The following PTPRN2 variants were observed in gnomAD, a reference collection of about 807,000 sequenced individuals.
PTPRN2 encodes protein tyrosine phosphatase receptor type N2, also known as receptor-type tyrosine-protein phosphatase N2.
A neutral mutation model predicts 118.8 loss-of-function variants in PTPRN2; 74 were observed. That is an observed-to-expected ratio of 0.62 (90% confidence interval 0.52 to 0.76). The LOEUF (loss-of-function observed/expected upper bound fraction) is 0.76, where lower values mean the gene tolerates loss of function less well. Among genes scored for constraint, PTPRN2 ranks in the 30% least tolerant of loss-of-function variants. The pLI, the probability that PTPRN2 is intolerant of heterozygous loss-of-function variation, is 0.00. For synonymous variants in PTPRN2, 641 were observed against 608.0 expected (o/e 1.05, Z -0.80); for missense variants, 1,481 against 1,394.4 (o/e 1.06, Z -0.99).
chr7:157,802,920 T>C (rs191615181), intron 12 of PTPRN2, among the ~76,000 whole-genome samples: 8 of 152,276 alleles, frequency 5.3e-5, no homozygotes, highest in Admixed American at 5.2e-4. Flanking sequence ...AGGTTATCAT[T>C]ATTATTTGCT....
At chr7:158,141,513 G>A (rs888190651) in intron 6 of PTPRN2, among the ~76,000 whole-genome samples, 3 of 152,260 alleles carry the variant, frequency 2.0e-5, no homozygotes, top group Non-Finnish European at 2.9e-5. Flanking sequence ...CACAAGTGCC[G>A]ATGGCCTGTG....
intron 1 of PTPRN2, among the ~76,000 whole-genome samples, chr7:158,530,950 G>A (rs1825181540): frequency 6.6e-6 from 1 of 152,160 alleles, no homozygotes; most frequent in Admixed American, 6.5e-5. Flanking sequence ...GTGTGTGTGT[G>A]TAAGCATGTG....
chr7:157,580,456 C>CCAGCACCTGCACACCG (rs1800289160), intron 17 of PTPRN2, among the ~76,000 whole-genome samples: 4 of 150,384 alleles, frequency 2.7e-5, no homozygotes, highest in Admixed American at 6.6e-5. Context: ...CCTGCACACC[C>CCAGCACCTGCACACCG]CAGCACCTGC....
chr7:158,268,304 G>A (rs1798021571), intron 3 of PTPRN2, among the ~76,000 whole-genome samples: 1 of 150,062 alleles, frequency 6.7e-6, no homozygotes, highest in African/African-American at 2.5e-5. Context: ...CACGGGGCGG[G>A]TGTGAAATAT....
intron 5 of PTPRN2, among the ~76,000 whole-genome samples, chr7:158,178,442 C>T (rs991962943): frequency 6.6e-6 from 1 of 152,038 alleles, no homozygotes; most frequent in Non-Finnish European, 1.5e-5. Flanking sequence ...TAAGTCAGAA[C>T]ATAAGGTAAT....
chr7:157,904,363 C>G (rs1182626485), intron 11 of PTPRN2, among the ~76,000 whole-genome samples: 1 of 152,228 alleles, frequency 6.6e-6, no homozygotes, highest in Admixed American at 6.5e-5. Context: ...CCCATATGCT[C>G]CCGGTGTCAC....
intron 12 of PTPRN2, among the ~76,000 whole-genome samples, chr7:157,719,928 A>T (rs984797056): frequency 6.6e-6 from 1 of 151,606 alleles, no homozygotes; most frequent in African/African-American, 2.4e-5. Context: ...CTTAAGTCTG[A>T]GGCATTATAA....
chr7:157,843,405 G>A (rs190064747), intron 12 of PTPRN2, among the ~76,000 whole-genome samples: 162 of 152,168 alleles, frequency 1.1e-3, no homozygotes, highest in Non-Finnish European at 8.7e-4. Flanking sequence ...GGGGGCCGGC[G>A]TGGGGGTTTA....
chr7:157,951,120 C>T (rs1450258269), intron 11 of PTPRN2, among the ~76,000 whole-genome samples: 1 of 152,146 alleles, frequency 6.6e-6, no homozygotes, highest in Non-Finnish European at 1.5e-5. Context: ...GAAACCCTCC[C>T]ATGCCCCAGG....
Position 158,138,311 on chromosome 7 carries a change from C to T in PTPRN2, c.1115G>A (p.Arg372His), listed in dbSNP as rs77347072. 0.013 allele frequency: 21,289 copies of T among 1,613,108 alleles called. 189 individuals carry two copies. Among genetic ancestry groups the T allele is most frequent in the Non-Finnish European group, 0.016 (19,289 of 1,179,950 alleles). ...GCAGTCACCTGGAAAGCTGTCTCCA[C>T]GGAGGGTGGCCTTGGGGCCATCCGC... is the stretch of plus-strand genomic sequence containing the variant. Reference protein sequence around the residue: ...EQADGPKATLRGDSFPDDGVQ... With the variant: ...EQADGPKATLHGDSFPDDGVQ... Residue 372 changes from arginine (R) to histidine (H), a missense_variant, in exon 7 of 23, where the codon CGT (arginine) becomes CAT (histidine). Around this residue, in one of 3 missense-constraint regions of PTPRN2, gnomAD observed 1,115 missense variants for 994.2 expected, o/e 1.12. Transcript: ENST00000389418.
At chr7:158,145,143 C>G (rs6950277) in intron 6 of PTPRN2, among the ~76,000 whole-genome samples, 1 of 131,926 alleles carries the variant, frequency 7.6e-6, no homozygotes, top group African/African-American at 2.9e-5. Flanking sequence ...CAGAATACCA[C>G]GGCTCGGCAA....
chr7:158,215,127 C>T (rs1290792152), intron 3 of PTPRN2, among the ~76,000 whole-genome samples: 4 of 152,104 alleles, frequency 2.6e-5, no homozygotes, highest in African/African-American at 9.7e-5. Context: ...TATGAACACA[C>T]TTGAAACAAA....
intron 12 of PTPRN2, among the ~76,000 whole-genome samples, chr7:157,842,427 TTTTTTGA>T (rs1256784393): frequency 1.4e-5 from 2 of 139,908 alleles, no homozygotes; most frequent in African/African-American, 5.3e-5. Context: ...TTTTTTTTTT[TTTTTTGA>T]GACGGTGTCT....
intron 2 of PTPRN2, among the ~76,000 whole-genome samples, chr7:158,368,798 T>C (rs1484907851): frequency 6.6e-6 from 1 of 152,148 alleles, no homozygotes; most frequent in Non-Finnish European, 1.5e-5. Context: ...ACAGAAACTG[T>C]AATTTTAGGA....
intron 2 of PTPRN2, among the ~76,000 whole-genome samples, chr7:158,335,024 C>G (rs1297426723): frequency 1.8e-4 from 2 of 11,084 alleles, no homozygotes; most frequent in Non-Finnish European, 5.8e-4. Context: ...TAAGAGCTGA[C>G]ACCCGCAGAC....
intron 10 of PTPRN2, among the ~76,000 whole-genome samples, chr7:158,094,304 C>T (rs12534910): frequency 0.77 from 115,907 of 150,844 alleles, 45,130 homozygotes; most frequent in Middle Eastern, 0.91. Flanking sequence ...TGTGTTTTTT[C>T]TGTTTTGTTT....
Position 157,578,038 on chromosome 7 carries a change from G to T in PTPRN2, c.2599C>A (p.Leu867Ile). 3 of 1,612,764 alleles carry T rather than the reference G, an allele frequency of 1.9e-6. No individual in the cohort carries two copies. Among genetic ancestry groups the T allele is most frequent in the Non-Finnish European group, 2.5e-6 (3 of 1,179,096 alleles). ...YHYWPDEGSN[L>I]YHIYEVNLVS... ...CGGAGTACCTCATAGATGTGGTAGA[G>T]ATTGGAGCCTTCATCCGGCCAGTAG... The change falls in exon 18 of 23, where the codon CTC (leucine) becomes ATC (isoleucine). Residue 867 changes from leucine to isoleucine, a missense_variant. Coordinates refer to ENST00000389418, the MANE Select transcript of PTPRN2 (RefSeq NM_002847.5).
At chr7:158,484,089 G>C (rs1820826249) in intron 2 of PTPRN2, among the ~76,000 whole-genome samples, 1 of 152,190 alleles carries the variant, frequency 6.6e-6, no homozygotes, top group Non-Finnish European at 1.5e-5. Context: ...GGCTGCGTTA[G>C]GCTAGGATTG....
intron 11 of PTPRN2, among the ~76,000 whole-genome samples, chr7:157,963,633 C>T (rs4019379): frequency 0.091 from 13,879 of 152,242 alleles, 935 homozygotes; most frequent in East Asian, 0.3. Flanking sequence ...GGAAACAGGC[C>T]ACAGTTCGGG....
Sources: gnomAD v4.1 joint callset for allele counts (sites outside exome capture counted in the v4.1 genomes callset) on GRCh38, gnomAD v4.1.1 for gene constraint, gnomAD v4.1.1 regional missense constraint, MANE v1.5 for transcripts, NCBI Gene and HGNC (gene_info 2026-07-23, HGNC 2026-07-21) for gene names.